Variants in COPS5 observed in about 807,000 individuals in gnomAD.
COPS5 encodes the protein COP9 signalosome subunit 5, also known as COP9 signalosome complex subunit 5.
COPS5 carries 8 observed loss-of-function variants against 44.4 expected under a neutral mutation model. The ratio of observed to expected loss-of-function variants is 0.18; its 90% confidence interval spans 0.11 to 0.32. COPS5 has a LOEUF of 0.32. Among genes scored for constraint, COPS5 ranks in the 10% least tolerant of loss-of-function variants. The probability of loss-of-function intolerance (pLI) is 1.00; values close to 1 mark genes in which losing one functional copy is unlikely to be tolerated. For synonymous variants in COPS5, 122 were observed against 142.8 expected, an observed-to-expected ratio of 0.85 and a Z score of 1.04; for missense variants, 159 against 406.4, an observed-to-expected ratio of 0.39 and a Z score of 5.23.
chr8:67,043,992 G>A (rs1210575854), intron 7 of COPS5: 2 of 152,072 alleles, frequency 1.3e-5, no homozygotes, highest in South Asian at 2.1e-4. Context: ...AAAGACAGAT[G>A]AACAAAACAC....
chr8:67,056,274 A>T (rs1804500745), intron 5 of COPS5, among the ~76,000 whole-genome samples: 1 of 152,132 alleles, frequency 6.6e-6, no homozygotes, highest in African/African-American at 2.4e-5. Context: ...CTGTAAAATA[A>T]GGGGCTTGGA....
At chr8:67,046,037 A>G in intron 6 of COPS5, 77 bp from the exon 7 acceptor site, 1 of 1,350,150 alleles carries the variant, frequency 7.4e-7, no homozygotes, top group Non-Finnish European at 1.0e-6. Flanking sequence ...AATGTAAACT[A>G]ATTTTCTACA....
At chr8:67,047,993 A>AT (rs1816720584) in intron 6 of COPS5, 1 of 675,556 alleles carries the variant, frequency 1.5e-6, no homozygotes, top group African/African-American at 1.8e-5. Flanking sequence ...ATAAGAACAG[A>AT]TACTGGGCGC....
chr8:67,058,306 C>T (rs1013877751), intron 2 of COPS5, 95 bp from the exon 3 acceptor site: 1 of 1,252,990 alleles, frequency 8.0e-7, no homozygotes, highest in Middle Eastern at 2.1e-4. Context: ...TTCCCATCTC[C>T]TTCTCCTCAA....
intron 4 of COPS5, 22 bp downstream of exon 4, chr8:67,057,358 T>C: frequency 6.5e-7 from 1 of 1,543,130 alleles, no homozygotes; most frequent in Non-Finnish European, 8.9e-7. Flanking sequence ...AGACTCTAAC[T>C]CTTAAAAAAA....
At chr8:67,059,569 CG>C (rs1158364639) in intron 1 of COPS5, 124 bp from the exon 2 acceptor site, 3 of 706,334 alleles carry the variant, frequency 4.2e-6, no homozygotes, top group Non-Finnish European at 7.1e-6. Flanking sequence ...GTGTAGACTA[CG>C]GGGAGAAAAA....
At chr8:67,049,401 C>T (rs77164758) in intron 6 of COPS5, among the ~76,000 whole-genome samples, 1 of 152,000 alleles carries the variant, frequency 6.6e-6, no homozygotes, top group East Asian at 1.9e-4. Context: ...GAAGTTGAGG[C>T]TGCAGTGAGC....
In COPS5 at chr8:67,043,230, T is replaced by G. The variant is rs1425717796; in HGVS notation, c.*3A>C. The G allele has an allele frequency of 6.7e-7, 1 of 1,497,886 alleles. No individual in the cohort carries two copies. The highest frequency in any genetic ancestry group is 1.4e-5 in the African/African-American group (1 of 72,628). The allele number at this position is 1,497,886 out of a possible 1,614,324, so 92.8% of individuals were successfully genotyped here. ...TTCAGGTAAAGTACTTCTCAGAGAC[T>G]GTTTAAGAGATGTTAATTTGATTAA... On this transcript the variant is annotated 3_prime_UTR_variant, in exon 8 of 8. Coordinates refer to ENST00000357849, the MANE Select transcript of COPS5 (RefSeq NM_006837.3).
intron 5 of COPS5, 39 bp from the exon 6 acceptor site, chr8:67,051,380 A>G: frequency 8.7e-7 from 1 of 1,155,208 alleles, no homozygotes; most frequent in Non-Finnish European, 1.3e-6. Context: ...AGTAAAAAAA[A>G]AAATTCAACT....
intron 4 of COPS5, 119 bp downstream of exon 4, chr8:67,057,261 T>G: frequency 4.2e-6 from 2 of 479,618 alleles, no homozygotes; most frequent in Non-Finnish European, 7.3e-6. Context: ...GGAGGCTGAG[T>G]TGGCTTGAGC....
intron 6 of COPS5, among the ~76,000 whole-genome samples, chr8:67,050,558 A>AGTGTGTGTGT (rs34629150): frequency 0.031 from 4,406 of 141,040 alleles, 91 homozygotes; most frequent in African/African-American, 0.055. Context: ...TGTGAGTGTG[A>AGTGTGTGTGT]GTGTGTGTGT....
chr8:67,060,509 G>T (rs1206198962), intron 1 of COPS5: 1 of 1,289,410 alleles, frequency 7.8e-7, no homozygotes, highest in Admixed American at 2.3e-5. Context: ...CATGTTGGAA[G>T]TCAAGACATG....
intron 5 of COPS5, among the ~76,000 whole-genome samples, chr8:67,053,802 T>C (rs1804455416): frequency 6.6e-6 from 1 of 151,748 alleles, no homozygotes; most frequent in African/African-American, 2.4e-5. Context: ...GTCATGAGAT[T>C]GAGACCATCC....
In COPS5 at chr8:67,059,232, T is replaced by C; in HGVS notation, c.357A>G (p.Ala119=). The change falls in exon 2 of 8, where the codon GCA becomes GCG. Residue 119 remains alanine (A), a synonymous_variant. Transcript: ENST00000357849. The stretch of plus-strand genomic sequence containing the variant: ...TTACCTGTTTTGCATTTTCTATGTA[T>C]GCAGCCATGTATTCATATGCAGCAG... ...AQAAAYEYMA[A]YIENAKQVGR... 6.2e-7 allele frequency: 1 copy of C among 1,614,126 alleles called. No individual in the cohort carries two copies. The highest frequency in any genetic ancestry group is 1.3e-5 in the African/African-American group (1 of 75,070).
chr8:67,052,953 G>A (rs2129537878), intron 5 of COPS5, among the ~76,000 whole-genome samples: 1 of 152,130 alleles, frequency 6.6e-6, no homozygotes, highest in East Asian at 1.9e-4. Context: ...AGTACCATTA[G>A]GAGATATTAC....
In COPS5 at chr8:67,061,904, G is replaced by A; in HGVS notation, c.93C>T (p.Tyr31=). ...GGATTTCTTGCTGCTGTTTCTTGTC[G>A]TATTTGTAGATTTCATCGATACTCT... ...EAQSIDEIYK[Y]DKKQQQEILA... is the part of the protein sequence containing the mutation. Residue 31 remains tyrosine, a synonymous_variant, in exon 1 of 8, where the codon TAC becomes TAT. Coordinates refer to ENST00000357849, the MANE Select transcript of COPS5 (RefSeq NM_006837.3). 2 of 1,614,196 alleles carry A rather than the reference G, an allele frequency of 1.2e-6. No individual in the cohort carries two copies. Among genetic ancestry groups the A allele is most frequent in the Non-Finnish European group, 1.7e-6 (2 of 1,180,040 alleles).
chr8:67,056,156 A>T (rs1438130375), intron 5 of COPS5, among the ~76,000 whole-genome samples: 3 of 152,188 alleles, frequency 2.0e-5, no homozygotes, highest in Non-Finnish European at 4.4e-5. Context: ...AACATTAATA[A>T]AAAATGCAAA....
rs571042989 is a variant in COPS5 at position 67,055,614 on chromosome 8, T to C, written c.659+905A>G. Reference sequence around the variant, plus strand: ...CGGGCACAGTGGCTCACACCTGTAATCCCAGCACTTTGGGAGGCCGAGGCG... The same window carrying C: ...CGGGCACAGTGGCTCACACCTGTAACCCCAGCACTTTGGGAGGCCGAGGCG... On this transcript the variant is annotated intron_variant, in intron 5 of 7. Transcript: ENST00000357849. 4.5e-4 allele frequency among the ~76,000 whole-genome samples: 68 copies of C among 152,284 alleles called. 1 individual carries two copies. The highest frequency in any genetic ancestry group is 1.6e-3 in the African/African-American group (65 of 41,564).
At position 67,045,966 on chromosome 8, in the gene COPS5, G is replaced by A; in HGVS notation, c.772-6C>T. On this transcript the variant is annotated splice_region_variant and splice_polypyrimidine_tract_variant and intron_variant, in intron 6 of 7. Transcript: ENST00000357849. ...CCAGTGGTATAGTCTGCATTCTGTG[G>A]GGAAAGTGGTATTGTGTCACTGCAA... 6.2e-7 allele frequency: 1 copy of A among 1,612,478 alleles called. No homozygotes were observed. Among genetic ancestry groups the A allele is most frequent in the Non-Finnish European group, 8.5e-7 (1 of 1,179,150 alleles).
Sources: gnomAD v4.1 joint callset for allele counts (sites outside exome capture counted in the v4.1 genomes callset) on GRCh38, gnomAD v4.1.1 for gene constraint, MANE v1.5 for transcripts, NCBI Gene and HGNC (gene_info 2026-07-23, HGNC 2026-07-21) for gene names.